SLC26A4: variants seen among roughly 807,000 people sequenced by gnomAD.
SLC26A4 encodes the protein solute carrier family 26 member 4.
In SLC26A4, 93 loss-of-function variants were observed where a neutral mutation model predicts 90.4. That is an observed-to-expected ratio of 1.03 (90% CI 0.87 to 1.22). SLC26A4 has a LOEUF of 1.22. SLC26A4 is among the 50% of genes most tolerant of loss of function. The pLI, the probability that SLC26A4 is intolerant of heterozygous loss-of-function variation, is 0.00. For synonymous variants in SLC26A4, 393 were observed against 354.6 expected (o/e 1.11, Z -1.22); for missense variants, 1,127 against 946.2 (o/e 1.19, Z -2.51).
At chr7:107,709,020 A>G (rs2129319692) in intron 18 of SLC26A4, among the ~76,000 whole-genome samples, 1 of 152,288 alleles carries the variant, frequency 6.6e-6, no homozygotes, top group Non-Finnish European at 1.5e-5. Context: ...TGCACAAGCG[A>G]TTTATTGAGA....
At chr7:107,708,345 T>C (rs1562842686) in intron 18 of SLC26A4, among the ~76,000 whole-genome samples, 1 of 152,202 alleles carries the variant, frequency 6.6e-6, no homozygotes, top group Non-Finnish European at 1.5e-5. Context: ...ACTTTTCTTT[T>C]CTCCTTATCA....
At chr7:107,707,683 A>G (rs1185032050) in intron 18 of SLC26A4, among the ~76,000 whole-genome samples, 2 of 152,250 alleles carry the variant, frequency 1.3e-5, no homozygotes, top group Admixed American at 1.3e-4. Flanking sequence ...GAACATATTA[A>G]TAACATATCT....
intron 9 of SLC26A4, among the ~76,000 whole-genome samples, chr7:107,689,449 A>G (rs1584324490): frequency 1.3e-5 from 2 of 152,338 alleles, no homozygotes; most frequent in East Asian, 3.9e-4. Flanking sequence ...CAGGTCATAA[A>G]TAACATTCAA....
chr7:107,685,776 C>G (rs1447542749), intron 8 of SLC26A4, among the ~76,000 whole-genome samples: 1 of 152,238 alleles, frequency 6.6e-6, no homozygotes, highest in Admixed American at 6.5e-5. Flanking sequence ...TGCAACTGGT[C>G]CTTATCTGCA....
intron 6 of SLC26A4, among the ~76,000 whole-genome samples, chr7:107,675,984 A>G (rs1791015099): frequency 6.6e-6 from 1 of 152,256 alleles, no homozygotes; most frequent in South Asian, 2.1e-4. Context: ...AAGTGGTCTA[A>G]TGAAGTAAAG....
rs149877524 is a variant in SLC26A4, at chr7:107,678,840, T to A, written c.765+3731T>A. ...TTGCTTATGACATTACCATTGCAAT[T>A]ATACATGAAAGAATCCTTCAATAAA... On this transcript the variant is annotated intron_variant, in intron 6 of 20. Coordinates refer to ENST00000644269, the MANE Select transcript of SLC26A4 (RefSeq NM_000441.2). Among the ~76,000 whole-genome samples, 945 of 152,232 alleles carry A rather than the reference T, an allele frequency of 6.2e-3. 12 individuals carry two copies. Among genetic ancestry groups the A allele is most frequent in the African/African-American group, 0.021 (873 of 41,556 alleles).
At chr7:107,714,800 T>G (rs917206692) in intron 20 of SLC26A4, among the ~76,000 whole-genome samples, 1 of 152,124 alleles carries the variant, frequency 6.6e-6, no homozygotes, top group Non-Finnish European at 1.5e-5. Context: ...AGTATCTTCA[T>G]GTAAAGTAGT....
chr7:107,675,260 G>T (rs1356430565), intron 6 of SLC26A4, 151 bp downstream of exon 6: 22 of 504,526 alleles, frequency 4.4e-5, no homozygotes, highest in Admixed American at 1.8e-4. Flanking sequence ...GAGCCCAGGA[G>T]TTTGAGACGT....
chr7:107,692,586 T>C (rs1039951344), intron 10 of SLC26A4, among the ~76,000 whole-genome samples: 2 of 152,218 alleles, frequency 1.3e-5, no homozygotes, highest in Non-Finnish European at 2.9e-5. Context: ...ATTTGCTGAA[T>C]GAATGAATGG....
intron 8 of SLC26A4, among the ~76,000 whole-genome samples, chr7:107,688,299 C>G (rs1394863084): frequency 2.0e-5 from 3 of 152,074 alleles, no homozygotes; most frequent in Non-Finnish European, 2.9e-5. Context: ...TGATGTAGGT[C>G]GGGGAGACCT....
In SLC26A4 at chr7:107,708,419, A is replaced by C. The variant is rs150106211; in HGVS notation, c.2090-1635A>C. Among the ~76,000 whole-genome samples the C allele has an allele frequency of 5.1e-4, 77 of 152,260 alleles. No individual in the cohort carries two copies. The East Asian group carries it at 0.014, about 27-fold the overall frequency. On this transcript the variant is annotated intron_variant, in intron 18 of 20. Transcript: ENST00000644269. ...AATTACTCTCTTTTCAATTTTCTTT[A>C]TCTCTTCATACTTGTAAATTTCTTC...
chr7:107,697,468 A>C (rs1468907338), intron 13 of SLC26A4, among the ~76,000 whole-genome samples: 2 of 152,216 alleles, frequency 1.3e-5, no homozygotes, highest in African/African-American at 4.8e-5. Flanking sequence ...CTAGTCACAC[A>C]TGAAGAGTCA....
intron 3 of SLC26A4, among the ~76,000 whole-genome samples, chr7:107,666,917 G>A (rs1230853943): frequency 6.6e-6 from 1 of 152,160 alleles, no homozygotes. Context: ...GTGTCAGCTT[G>A]AACCAGATGA....
chr7:107,708,460 C>T (rs1421689450), intron 18 of SLC26A4, among the ~76,000 whole-genome samples: 1 of 152,098 alleles, frequency 6.6e-6, no homozygotes, highest in African/African-American at 2.4e-5. Context: ...TCTTTCCTAC[C>T]TAGTGGTTCC....
chr7:107,681,422 A>G (rs1456054111), intron 6 of SLC26A4, among the ~76,000 whole-genome samples: 3 of 152,212 alleles, frequency 2.0e-5, no homozygotes, highest in African/African-American at 7.2e-5. Flanking sequence ...AAGCTCATAC[A>G]TAATTGTCAC....
chr7:107,663,518 G>T (rs1428065452), intron 3 of SLC26A4, 83 bp downstream of exon 3: 6 of 1,487,066 alleles, frequency 4.0e-6, no homozygotes. Context: ...TGTGACAGAT[G>T]GTTGCTTACC....
In SLC26A4 at chr7:107,690,159, A is replaced by G; in HGVS notation, c.1185A>G (p.Ser395=). The change falls in exon 10 of 21, where the codon TCA becomes TCG. Residue 395 remains serine, a synonymous_variant. Coordinates refer to ENST00000644269, the MANE Select transcript of SLC26A4 (RefSeq NM_000441.2). ...FIAFGISNIF[S]GFFSCFVATT... ...CCTTTGGGATCAGCAACATCTTCTC[A>G]GGATTCTTCTCTTGTTTTGTGGCCA... The G allele has an allele frequency of 6.2e-7, 1 of 1,612,796 alleles. No individual in the cohort carries two copies. Among genetic ancestry groups the G allele is most frequent in the Non-Finnish European group, 8.5e-7 (1 of 1,178,864 alleles).
At position 107,663,308 on chromosome 7, in the gene SLC26A4, G is replaced by A; in HGVS notation, c.177G>A (p.Lys59=). 6.2e-7 allele frequency: 1 copy of A among 1,614,226 alleles called. No individual in the cohort carries two copies. The highest frequency in any genetic ancestry group is 8.5e-7 in the Non-Finnish European group (1 of 1,180,038). The change falls in exon 3 of 21, where the codon AAG becomes AAA. Residue 59 remains lysine (K), a synonymous_variant. Coordinates refer to ENST00000644269, the MANE Select transcript of SLC26A4 (RefSeq NM_000441.2). ...SLAKCCSCSR[K]RAFGVLKTLV... ...TGCTTTTTGACAGTTGTTCAAGAAA[G>A]AGAGCCTTTGGTGTGCTAAAGACTC... is the stretch of plus-strand genomic sequence containing the variant.
In SLC26A4 at chr7:107,703,410, G is replaced by A. The variant is rs540941306; in HGVS notation, c.2035-921G>A. On this transcript the variant is annotated intron_variant, in intron 17 of 20. Transcript: ENST00000644269. ...CCAGGATGTGGGTACTAGGTAGGTA[G>A]GGTAGAGAAGTGATTGTGCTTGGCA... Among the ~76,000 whole-genome samples the A allele has an allele frequency of 5.3e-4, 80 of 152,324 alleles. 3 individuals carry two copies. In the South Asian group the frequency reaches 0.017, roughly 32 times the overall value.
Sources: gnomAD v4.1 joint callset for allele counts (sites outside exome capture counted in the v4.1 genomes callset) on GRCh38, gnomAD v4.1.1 for gene constraint, MANE v1.5 for transcripts, NCBI Gene and HGNC (gene_info 2026-07-23, HGNC 2026-07-21) for gene names.